The following NOL10 variants were observed in gnomAD, a reference collection of about 807,000 sequenced individuals.
NOL10 encodes nucleolar protein 10, also known as H_NH0074G24.1.
NOL10 carries 58 observed loss-of-function variants against 103.5 expected under a neutral mutation model. That is an observed-to-expected ratio of 0.56 (90% CI 0.45 to 0.70). The LOEUF is 0.70. NOL10 is among the 30% of genes least tolerant of loss of function. The probability of loss-of-function intolerance (pLI) is 0.00; values close to 1 mark genes in which losing one functional copy is unlikely to be tolerated. For synonymous variants in NOL10, 287 were observed against 282.5 expected, an observed-to-expected ratio of 1.02 and a Z score of -0.16; for missense variants, 763 against 807.3, an observed-to-expected ratio of 0.95 and a Z score of 0.67.
chr2:10,577,021 A>G (rs1674484504), intron 20 of NOL10, among the ~76,000 whole-genome samples: 1 of 152,106 alleles, frequency 6.6e-6, no homozygotes. Context: ...AACTGTATCC[A>G]GTTAACAGTA....
chr2:10,647,093 C>T (rs1679127428), intron 12 of NOL10, among the ~76,000 whole-genome samples: 1 of 152,052 alleles, frequency 6.6e-6, no homozygotes, highest in Non-Finnish European at 1.5e-5. Flanking sequence ...AGTTTATCCA[C>T]AATAAAACTA....
chr2:10,619,495 A>G (rs1677010866), intron 13 of NOL10, among the ~76,000 whole-genome samples: 1 of 152,198 alleles, frequency 6.6e-6, no homozygotes, highest in African/African-American at 2.4e-5. Flanking sequence ...ATTCAAAATC[A>G]TGAAACTCAC....
chr2:10,600,727 A>G, intron 17 of NOL10, 126 bp downstream of exon 17: 1 of 658,800 alleles, frequency 1.5e-6, no homozygotes, highest in Non-Finnish European at 2.7e-6. Context: ...TTAAGCATAT[A>G]CTAATCTTAT....
chr2:10,673,334 C>A, intron 5 of NOL10, 186 bp downstream of exon 5: 1 of 417,778 alleles, frequency 2.4e-6, no homozygotes, highest in Non-Finnish European at 4.4e-6. Flanking sequence ...ATCCGTATCA[C>A]TGTATTAATA....
chr2:10,595,909 G>A (rs1675662874), intron 17 of NOL10, among the ~76,000 whole-genome samples: 1 of 66,250 alleles, frequency 1.5e-5, no homozygotes, highest in African/African-American at 4.8e-5. Flanking sequence ...TTTGTGTTAG[G>A]CACTGTGCCC....
chr2:10,584,607 T>C (rs1674927837), intron 19 of NOL10, among the ~76,000 whole-genome samples: 1 of 152,228 alleles, frequency 6.6e-6, no homozygotes. Context: ...ACTTGCAGAA[T>C]AAACATACAG....
intron 13 of NOL10, among the ~76,000 whole-genome samples, chr2:10,619,013 GT>G (rs1334183499): frequency 6.6e-6 from 1 of 152,178 alleles, no homozygotes; most frequent in Non-Finnish European, 1.5e-5. Flanking sequence ...CCTAACGGAG[GT>G]TTATAAACTT....
intron 12 of NOL10, among the ~76,000 whole-genome samples, chr2:10,649,338 T>G (rs1679306076): frequency 8.2e-6 from 1 of 121,836 alleles, no homozygotes; most frequent in Non-Finnish European, 1.8e-5. Flanking sequence ...TTTTTTTTTT[T>G]GAGACAGAGT....
intron 2 of NOL10, 69 bp downstream of exon 2, chr2:10,684,498 C>T (rs758071666): frequency 1.2e-5 from 15 of 1,213,988 alleles, no homozygotes; most frequent in Middle Eastern, 1.9e-4. Flanking sequence ...TTATATATAA[C>T]AGCAAATGAG....
intron 12 of NOL10, among the ~76,000 whole-genome samples, chr2:10,647,334 C>T (rs762097662): frequency 1.3e-5 from 2 of 152,206 alleles, no homozygotes; most frequent in Non-Finnish European, 2.9e-5. Context: ...TCTACAGCTG[C>T]TCAAAGTGTG....
chr2:10,587,210 T>TATATACAC lies in NOL10; in HGVS notation c.1844+1832_1844+1833insGTGTATAT, dbSNP rs1553296255. 3.0e-4 allele frequency among the ~76,000 whole-genome samples: 18 copies of TATATACAC among 59,062 alleles called. 7 individuals carry two copies. Among genetic ancestry groups the TATATACAC allele is most frequent in the African/African-American group, 1.1e-3 (10 of 8,778 alleles). 38.7% of individuals were successfully genotyped at this position (59,062 alleles called of 152,430 possible). ...ATATATACACATATATATACACATA[T>TATATACAC]ATATATACATATATATACATATATA... is the stretch of plus-strand genomic sequence containing the variant. On this transcript the variant is annotated intron_variant, in intron 19 of 20. Transcript: ENST00000381685.
At chr2:10,606,721 T>C (rs1399004831) in intron 14 of NOL10, among the ~76,000 whole-genome samples, 2 of 152,188 alleles carry the variant, frequency 1.3e-5, no homozygotes, top group African/African-American at 4.8e-5. Flanking sequence ...AAAGTAACTA[T>C]TAAGGTTCTT....
intron 7 of NOL10, among the ~76,000 whole-genome samples, chr2:10,667,887 T>G (rs1680659084): frequency 6.6e-6 from 1 of 151,720 alleles, no homozygotes. Flanking sequence ...AAAATTAGAG[T>G]TTATTTGGTT....
chr2:10,641,370 AT>A (rs1678687387), intron 13 of NOL10, among the ~76,000 whole-genome samples: 2 of 148,534 alleles, frequency 1.3e-5, no homozygotes, highest in Non-Finnish European at 1.5e-5. Context: ...AAAAAAAAAA[AT>A]ACAACTTCCC....
At chr2:10,626,435 A>C (rs780414428) in intron 13 of NOL10, among the ~76,000 whole-genome samples, 15 of 152,132 alleles carry the variant, frequency 9.9e-5, no homozygotes, top group Non-Finnish European at 2.1e-4. Context: ...GAACTTTCTT[A>C]TTATTTTCTG....
At chr2:10,682,180 T>C (rs1681815820) in intron 2 of NOL10, 111 bp from the exon 3 acceptor site, 7 of 412,710 alleles carry the variant, frequency 1.7e-5, no homozygotes, top group Non-Finnish European at 3.0e-5. Context: ...GTGAAATTCA[T>C]CCCAAATGCT....
intron 13 of NOL10, among the ~76,000 whole-genome samples, chr2:10,643,020 T>C (rs1299894026): frequency 6.6e-6 from 1 of 152,166 alleles, no homozygotes; most frequent in Non-Finnish European, 1.5e-5. Context: ...ATGTAGTCCA[T>C]AATATTTATT....
At position 10,671,481 on chromosome 2, in the gene NOL10, G is replaced by A. The variant is rs766601001; in HGVS notation, c.464+73C>T. 1.6e-3 allele frequency: 1,891 copies of A among 1,174,512 alleles called. 2 individuals carry two copies. Among genetic ancestry groups the A allele is most frequent in the Non-Finnish European group, 2.0e-3 (1,781 of 900,180 alleles). The allele number at this position is 1,174,512 out of a possible 1,614,324, so 72.8% of individuals were successfully genotyped here. A position where few individuals can be genotyped will look rare whatever the true frequency, so the allele number is the denominator to read the frequency against. On this transcript the variant is annotated intron_variant, in intron 6 of 20. Transcript: ENST00000381685. ...AGCAAGTTACCTAAACAGAGAAAAT[G>A]TACACGAAATTTAGGAACAGAAGTT...
chr2:10,624,252 G>C (rs190295824), intron 13 of NOL10, among the ~76,000 whole-genome samples: 18 of 151,780 alleles, frequency 1.2e-4, no homozygotes, highest in Admixed American at 6.6e-5. Context: ...CAGGACAATA[G>C]TGGAGGGAAG....
Sources: gnomAD v4.1 joint callset for allele counts (sites outside exome capture counted in the v4.1 genomes callset) on GRCh38, gnomAD v4.1.1 for gene constraint, MANE v1.5 for transcripts, NCBI Gene and HGNC (gene_info 2026-07-23, HGNC 2026-07-21) for gene names.